Variants in MAGI2 observed in about 807,000 individuals in gnomAD.
The protein encoded by MAGI2 is membrane-associated guanylate kinase, WW and PDZ domain-containing protein 2.
A neutral mutation model predicts 133.3 loss-of-function variants in MAGI2; 35 were observed. The observed-to-expected ratio is 0.26, with a 90% CI of 0.20 to 0.35. The LOEUF (loss-of-function observed/expected upper bound fraction) is 0.35. MAGI2 is among the 10% of genes least tolerant of loss of function. The pLI is 1.00. For missense variants in MAGI2, 1,636 were observed against 1,863.4 expected, an observed-to-expected ratio of 0.88 and a Z score of 2.25; for synonymous variants, 729 against 710.6, an observed-to-expected ratio of 1.03 and a Z score of -0.41.
chr7:79,310,144 AC>A (rs758591301), intron 1 of MAGI2, among the ~76,000 whole-genome samples: 4 of 129,522 alleles, frequency 3.1e-5, no homozygotes, highest in Non-Finnish European at 3.2e-5. Flanking sequence ...AGCCTGGGAG[AC>A]AGAGGAGAGT....
At chr7:78,757,046 T>C (rs1167805645) in intron 2 of MAGI2, among the ~76,000 whole-genome samples, 1 of 152,194 alleles carries the variant, frequency 6.6e-6, no homozygotes, top group East Asian at 1.9e-4. Flanking sequence ...CTAATACATC[T>C]CCCACCATAA....
chr7:79,241,736 T>A (rs548139557), intron 1 of MAGI2, among the ~76,000 whole-genome samples: 58 of 152,288 alleles, frequency 3.8e-4, no homozygotes, highest in African/African-American at 1.3e-3. Context: ...ACAAGATTTG[T>A]GACTCTCCCA....
chr7:78,331,972 T>G (rs1789252670), intron 9 of MAGI2, among the ~76,000 whole-genome samples: 1 of 152,208 alleles, frequency 6.6e-6, no homozygotes, highest in South Asian at 2.1e-4. Context: ...ATATCATATC[T>G]CAATTACTGT....
Position 78,494,629 on chromosome 7 carries a change from T to A in MAGI2, c.966-4789A>T, listed in dbSNP as rs890705531. Among the ~76,000 whole-genome samples, 8 of 152,198 alleles carry A rather than the reference T, an allele frequency of 5.3e-5. No homozygotes were observed. The East Asian group carries it at 1.5e-3, about 29-fold the overall frequency. On this transcript the variant is annotated intron_variant, in intron 5 of 21. Coordinates refer to ENST00000354212, the MANE Select transcript of MAGI2 (RefSeq NM_012301.4). Reference sequence around the variant, plus strand: ...TCCTTTCCTTTCTAATTTCTTTCTGTTTTCTTTTCTTCTTTTCTTTCGTTC... The same window carrying A: ...TCCTTTCCTTTCTAATTTCTTTCTGATTTCTTTTCTTCTTTTCTTTCGTTC...
chr7:78,670,754 C>T (rs1404326262), intron 2 of MAGI2, among the ~76,000 whole-genome samples: 1 of 152,100 alleles, frequency 6.6e-6, no homozygotes, highest in Admixed American at 6.6e-5. Flanking sequence ...ACAGAGCCCT[C>T]AGAAAGTTGA....
chr7:79,423,955 T>C (rs939150394), intron 1 of MAGI2, among the ~76,000 whole-genome samples: 5 of 152,170 alleles, frequency 3.3e-5, no homozygotes, highest in South Asian at 2.1e-4. Context: ...ACTTTCACCA[T>C]GTATGTTTAT....
intron 2 of MAGI2, among the ~76,000 whole-genome samples, chr7:78,889,804 G>T (rs552800725): frequency 6.6e-6 from 1 of 152,250 alleles, no homozygotes; most frequent in African/African-American, 2.4e-5. Flanking sequence ...TTGAGGCTAG[G>T]AAGAAACTAC....
chr7:78,181,716 A>T (rs188653179), intron 13 of MAGI2, among the ~76,000 whole-genome samples: 1 of 152,358 alleles, frequency 6.6e-6, no homozygotes, highest in African/African-American at 2.4e-5. Flanking sequence ...GTCTTAATTT[A>T]TTCTGGGCTC....
At chr7:79,228,832 A>G (rs1831103451) in intron 1 of MAGI2, among the ~76,000 whole-genome samples, 1 of 152,024 alleles carries the variant, frequency 6.6e-6, no homozygotes, top group South Asian at 2.1e-4. Flanking sequence ...ATAATAGTAA[A>G]AGTCCCAGAT....
At chr7:78,872,056 C>G (rs1226473034) in intron 2 of MAGI2, among the ~76,000 whole-genome samples, 2 of 149,874 alleles carry the variant, frequency 1.3e-5, no homozygotes, top group Non-Finnish European at 3.0e-5. Flanking sequence ...TTTCAGTTAG[C>G]TTTTCTCAAA....
chr7:79,068,939 C>T (rs977940471), intron 1 of MAGI2, among the ~76,000 whole-genome samples: 1 of 151,104 alleles, frequency 6.6e-6, no homozygotes, highest in African/African-American at 2.4e-5. Context: ...TTTGATTACA[C>T]TGTGGTCTGA....
intron 2 of MAGI2, among the ~76,000 whole-genome samples, chr7:78,960,453 T>A (rs1802742849): frequency 6.6e-6 from 1 of 152,098 alleles, no homozygotes; most frequent in Admixed American, 6.6e-5. Context: ...TAATCATGAA[T>A]ATTTTCTACT....
chr7:78,122,183 T>G (rs1820537168), intron 20 of MAGI2, among the ~76,000 whole-genome samples: 1 of 152,196 alleles, frequency 6.6e-6, no homozygotes, highest in Non-Finnish European at 1.5e-5. Context: ...AATGTTCTGT[T>G]TTTTAAGTGG....
chr7:79,283,847 T>C (rs946594187), intron 1 of MAGI2, among the ~76,000 whole-genome samples: 2 of 152,126 alleles, frequency 1.3e-5, no homozygotes, highest in Non-Finnish European at 1.5e-5. Flanking sequence ...TAATCAATTT[T>C]CAGTCAACAA....
At chr7:78,995,861 C>G (rs541806938) in intron 2 of MAGI2, among the ~76,000 whole-genome samples, 1 of 152,172 alleles carries the variant, frequency 6.6e-6, no homozygotes, top group African/African-American at 2.4e-5. Context: ...GATACACTCC[C>G]TCTTTCTCTG....
At chr7:78,876,321 C>CAAAAAAAAAAAAAAAAAA (rs57950337) in intron 2 of MAGI2, among the ~76,000 whole-genome samples, 1 of 79,672 alleles carries the variant, frequency 1.3e-5, no homozygotes, top group African/African-American at 4.4e-5. Context: ...GACTCCGTCT[C>CAAAAAAAAAAAAAAAAAA]AAAAAAAAAA....
chr7:79,451,891 G>GA (rs1281311601), intron 1 of MAGI2, among the ~76,000 whole-genome samples: 2 of 152,086 alleles, frequency 1.3e-5, no homozygotes, highest in African/African-American at 2.4e-5. Flanking sequence ...AAACAGAAAA[G>GA]AAAAAAGCTA....
At chr7:78,739,591 T>C (rs1040580317) in intron 2 of MAGI2, among the ~76,000 whole-genome samples, 16 of 152,234 alleles carry the variant, frequency 1.1e-4, no homozygotes, top group Admixed American at 1.3e-4. Flanking sequence ...CTAACAAAAA[T>C]AGTATTAATT....
intron 1 of MAGI2, among the ~76,000 whole-genome samples, chr7:79,049,700 T>C (rs1470235872): frequency 6.6e-6 from 1 of 152,064 alleles, no homozygotes; most frequent in Non-Finnish European, 1.5e-5. Context: ...TATTCCTTAC[T>C]CATATTTTAC....
Sources: gnomAD v4.1 joint callset for allele counts (sites outside exome capture counted in the v4.1 genomes callset) on GRCh38, gnomAD v4.1.1 for gene constraint, MANE v1.5 for transcripts, NCBI Gene and HGNC (gene_info 2026-07-23, HGNC 2026-07-21) for gene names.